DMXL2: variants seen among roughly 807,000 people sequenced by gnomAD.
The protein encoded by DMXL2 is Dmx like 2, also known as dmX-like protein 2.
DMXL2 carries 103 observed loss-of-function variants against 331.1 expected under a neutral mutation model. The ratio of observed to expected loss-of-function variants is 0.31; its 90% CI spans 0.27 to 0.37. The LOEUF (loss-of-function observed/expected upper bound fraction) is 0.37. Among genes scored for constraint, DMXL2 ranks in the 10% least tolerant of loss-of-function variants. The pLI is 1.00. For synonymous variants in DMXL2, 1,281 were observed against 1,252.1 expected (o/e 1.02, Z -0.49); for missense variants, 3,171 against 3,642.9 (o/e 0.87, Z 3.33).
Position 51,580,976 on chromosome 15 carries a change from G to A in DMXL2, c.88-4795C>T, listed in dbSNP as rs4775953. Among the ~76,000 whole-genome samples the A allele has an allele frequency of 3.9e-5, 6 of 151,992 alleles. 1 individual carries two copies. In the South Asian group the frequency reaches 8.3e-4, roughly 21 times the overall value. On this transcript the variant is annotated intron_variant, in intron 1 of 43. Coordinates refer to ENST00000560891, the MANE Select transcript of DMXL2 (RefSeq NM_001378457.1). ...TGGCCTCAGTAGGTCTCTGAACTCC[G>A]AAAAATTGTATTTAAAGTTGTGCGA...
intron 13 of DMXL2, among the ~76,000 whole-genome samples, chr15:51,525,818 T>G (rs2047639593): frequency 6.6e-6 from 1 of 152,022 alleles, no homozygotes; most frequent in Non-Finnish European, 1.5e-5. Context: ...TTATTGACTC[T>G]GCTCCCTACC....
chr15:51,594,472 T>C (rs1374672223), intron 1 of DMXL2, among the ~76,000 whole-genome samples: 1 of 152,170 alleles, frequency 6.6e-6, no homozygotes, highest in Non-Finnish European at 1.5e-5. Flanking sequence ...CACAGCCAAA[T>C]TCTACCAGAG....
rs181268091 is a variant in DMXL2, at chr15:51,622,719, T to A, written c.-174A>T. The stretch of plus-strand genomic sequence containing the variant: ...CCTTCCCTCCGCCTCGTCCCTGCCA[T>A]GGGAGCTCCTCGACCGCCGCCGCCG... On this transcript the variant is annotated 5_prime_UTR_variant, in exon 1 of 44. The change abolishes an upstream ATG in the 5' untranslated region. Coordinates refer to ENST00000560891, the MANE Select transcript of DMXL2 (RefSeq NM_001378457.1). The A allele has an allele frequency of 3.4e-5, 44 of 1,292,314 alleles. No individual in the cohort carries two copies. The South Asian group carries it at 5.9e-4, about 17-fold the overall frequency. The allele number at this position is 1,292,314 out of a possible 1,614,324, so 80.1% of individuals were successfully genotyped here.
intron 1 of DMXL2, among the ~76,000 whole-genome samples, chr15:51,601,483 C>T (rs1567173644): frequency 6.6e-6 from 1 of 151,992 alleles, no homozygotes; most frequent in Non-Finnish European, 1.5e-5. Flanking sequence ...TTCCTTCTTT[C>T]CTATGTAGAT....
At chr15:51,475,682 T>C (rs1370381108) in intron 27 of DMXL2, among the ~76,000 whole-genome samples, 1 of 152,096 alleles carries the variant, frequency 6.6e-6, no homozygotes, top group Non-Finnish European at 1.5e-5. Context: ...AAATGTTACA[T>C]ATGGGCCCCC....
intron 42 of DMXL2, 102 bp downstream of exon 42, chr15:51,451,543 A>G: frequency 1.1e-6 from 1 of 921,372 alleles, no homozygotes; most frequent in East Asian, 2.6e-5. Flanking sequence ...CAACCTGTCA[A>G]TAAACACTCA....
intron 1 of DMXL2, among the ~76,000 whole-genome samples, chr15:51,619,467 A>G (rs546567702): frequency 2.6e-5 from 4 of 152,368 alleles, no homozygotes; most frequent in Non-Finnish European, 4.4e-5. Flanking sequence ...AACCACAGAC[A>G]TCAGCTGAGA....
intron 2 of DMXL2, among the ~76,000 whole-genome samples, chr15:51,569,878 T>G (rs1369760749): frequency 6.6e-6 from 1 of 152,112 alleles, no homozygotes; most frequent in Non-Finnish European, 1.5e-5. Flanking sequence ...CCAGAACACC[T>G]CTTCTCCTCC....
chr15:51,530,202 T>C (rs1388223662), intron 13 of DMXL2, among the ~76,000 whole-genome samples: 3 of 152,100 alleles, frequency 2.0e-5, no homozygotes, highest in African/African-American at 7.2e-5. Context: ...ACCACTGTTA[T>C]TCAACGTAGT....
In DMXL2 at chr15:51,622,401, C is replaced by T. The variant is rs1315336176; in HGVS notation, c.87+58G>A. On this transcript the variant is annotated intron_variant, in intron 1 of 43. Transcript: ENST00000560891. ...GAGGCGTGCGCCCTGGACAGGAGGTCCCTGCCCCCGCGTCTGGCCCCTGGT... is the reference window on the plus strand; with the variant it reads ...GAGGCGTGCGCCCTGGACAGGAGGTTCCTGCCCCCGCGTCTGGCCCCTGGT... 7.8e-6 allele frequency: 12 copies of T among 1,547,854 alleles called. No individual in the cohort carries two copies. The East Asian group carries it at 2.9e-4, about 38-fold the overall frequency.
chr15:51,565,814 T>C (rs2050231960), intron 3 of DMXL2, among the ~76,000 whole-genome samples: 1 of 152,254 alleles, frequency 6.6e-6, no homozygotes, highest in Non-Finnish European at 1.5e-5. Flanking sequence ...AGGCAAGCTA[T>C]ATGTTAACGG....
chr15:51,620,995 A>C (rs1244689881), intron 1 of DMXL2, among the ~76,000 whole-genome samples: 1 of 152,164 alleles, frequency 6.6e-6, no homozygotes, highest in Non-Finnish European at 1.5e-5. Flanking sequence ...ATAACCAAAG[A>C]TTCCAGCTTT....
chr15:51,534,440 G>C (rs999020345), intron 13 of DMXL2, among the ~76,000 whole-genome samples: 1 of 152,200 alleles, frequency 6.6e-6, no homozygotes, highest in African/African-American at 2.4e-5. Context: ...CTAGCAAGTA[G>C]AATGTACACA....
chr15:51,539,845 T>C (rs754455377), intron 9 of DMXL2, among the ~76,000 whole-genome samples: 1 of 152,158 alleles, frequency 6.6e-6, no homozygotes, highest in Non-Finnish European at 1.5e-5. Context: ...ATCCATATTA[T>C]AAATAATTCA....
rs773880883 is a variant in DMXL2, at chr15:51,517,043, A to G, written c.2526+35T>C. On this transcript the variant is annotated intron_variant, in intron 14 of 43. Coordinates refer to ENST00000560891, the MANE Select transcript of DMXL2 (RefSeq NM_001378457.1). ...CATATAAAACACCATGGGATAAAGT[A>G]TACGAATATCACCAATTCACAAGCA... The G allele has an allele frequency of 9.2e-6, 14 of 1,513,948 alleles. No individual in the cohort carries two copies. The South Asian group carries it at 1.5e-4, about 16-fold the overall frequency. The allele number at this position is 1,513,948 out of a possible 1,614,324, so 93.8% of individuals were successfully genotyped here.
chr15:51,481,483 C>T lies in DMXL2; in HGVS notation c.5623G>A (p.Asp1875Asn), dbSNP rs775048163. The change falls in exon 24 of 44, where the codon GAT (aspartate) becomes AAT (asparagine). Residue 1875 changes from aspartate to asparagine, a missense_variant. This residue lies in a region of DMXL2 where 244 missense variants were observed against 251.4 expected (regional missense o/e 0.97). Coordinates refer to ENST00000560891, the MANE Select transcript of DMXL2 (RefSeq NM_001378457.1). ...TTTCTTTCTATGAGGTTAATTTTAT[C>T]AACAAAGTTCTTCTCAGTTTTGAGA... is the stretch of plus-strand genomic sequence containing the variant. ...LGLKTEKNFV[D>N]KINLIERKLF... 3.7e-6 allele frequency: 6 copies of T among 1,613,324 alleles called. No individual in the cohort carries two copies. In the Admixed American group the frequency reaches 1.0e-4, roughly 27 times the overall value.
In DMXL2 at chr15:51,466,202, T is replaced by C. The variant is rs762005437; in HGVS notation, c.7502A>G (p.Gln2501Arg). Reference protein sequence around the residue: ...FFSDTQIQEHQDPNSYSWALL... With the variant: ...FFSDTQIQEHRDPNSYSWALL... Reference sequence around the variant, plus strand: ...TATTTACCTATAGGAATTTGGATCTTGGTGCTCCTGTATTTGTGTATCTGA... The same window carrying C: ...TATTTACCTATAGGAATTTGGATCTCGGTGCTCCTGTATTTGTGTATCTGA... The change falls in exon 30 of 44, where the codon CAA becomes CGA. Residue 2501 changes from glutamine (Q) to arginine (R), a missense_variant. Coordinates refer to ENST00000560891, the MANE Select transcript of DMXL2 (RefSeq NM_001378457.1). 2 of 1,564,842 alleles carry C rather than the reference T, an allele frequency of 1.3e-6. No individual in the cohort carries two copies. The highest frequency in any genetic ancestry group is 2.5e-5 in the South Asian group (2 of 80,070).
Position 51,458,642 on chromosome 15 carries a change from C to G in DMXL2, c.8077-15G>C. 1 of 1,613,934 alleles carries G rather than the reference C, an allele frequency of 6.2e-7. No individual in the cohort carries two copies. Among genetic ancestry groups the G allele is most frequent in the Non-Finnish European group, 8.5e-7 (1 of 1,179,886 alleles). ...TTACAATTTGCCTATAAAGCAAAGG[C>G]AGAATCGATGATTTAAGCAATTTCA... On this transcript the variant is annotated splice_polypyrimidine_tract_variant and intron_variant, in intron 35 of 43. Transcript: ENST00000560891.
Position 51,576,093 on chromosome 15 carries a change from T to G in DMXL2, c.176A>C (p.Gln59Pro). ...IIPGAKHGNI[Q>P]VSCVECSNQQ... Reference sequence around the variant, plus strand: ...GTTAGAACACTCCACACAGCTGACTTGGATGTTTCCATGCTTAGCACCAGG... The same window carrying G: ...GTTAGAACACTCCACACAGCTGACTGGGATGTTTCCATGCTTAGCACCAGG... The change falls in exon 2 of 44, where the codon CAA (glutamine) becomes CCA (proline). Residue 59 changes from glutamine (Q) to proline (P), a missense_variant. Gln to Pro is a moderately conservative substitution (Grantham distance 76, BLOSUM62 -1). Transcript: ENST00000560891. 2 of 1,607,192 alleles carry G rather than the reference T, an allele frequency of 1.2e-6. No individual in the cohort carries two copies. Among genetic ancestry groups the G allele is most frequent in the Non-Finnish European group, 1.7e-6 (2 of 1,178,244 alleles).
Sources: allele counts gnomAD v4.1 joint callset (sites outside exome capture counted in the v4.1 genomes callset), GRCh38; gene constraint gnomAD v4.1.1; regional missense constraint gnomAD v4.1.1; transcripts MANE v1.5; gene names NCBI Gene and HGNC (gene_info 2026-07-23, HGNC 2026-07-21).